The following ATP1A4 variants were observed in gnomAD, a reference collection of about 807,000 sequenced individuals.
The protein encoded by ATP1A4 is sodium/potassium-transporting ATPase subunit alpha-4.
A neutral mutation model predicts 114.3 loss-of-function variants in ATP1A4; 90 were observed. The ratio of observed to expected loss-of-function variants is 0.79; its 90% CI spans 0.66 to 0.94. ATP1A4 has a LOEUF of 0.94. ATP1A4 is among the 40% of genes least tolerant of loss of function. ATP1A4 has a pLI of 0.00. For missense variants in ATP1A4, 1,222 were observed against 1,313.6 expected, an observed-to-expected ratio of 0.93 and a Z score of 1.08; for synonymous variants, 511 against 494.1, an observed-to-expected ratio of 1.03 and a Z score of -0.45.
At chr1:160,162,870 A>G (rs1261250750) in intron 6 of ATP1A4, among the ~76,000 whole-genome samples, 1 of 152,218 alleles carries the variant, frequency 6.6e-6, no homozygotes, top group African/African-American at 2.4e-5. Context: ...TAGGCAATAG[A>G]AGATACTCAG....
rs200603421 is a variant in ATP1A4 at position 160,182,009 on chromosome 1, G to A, written c.2947G>A (p.Ala983Thr). ...FLSYTPGMDV[A>T]LRMYPLKITW... Reference sequence around the variant, plus strand: ...GTCCTACACTCCAGGCATGGACGTGGCCCTGCGAATGTACCCACTCAAGTG... The same window carrying A: ...GTCCTACACTCCAGGCATGGACGTGACCCTGCGAATGTACCCACTCAAGTG... The change falls in exon 20 of 22, where the codon GCC becomes ACC. Residue 983 changes from alanine to threonine, a missense_variant. Ala to Thr is a moderately conservative substitution (Grantham distance 58). Transcript: ENST00000368081. The A allele has an allele frequency of 1.1e-5, 17 of 1,613,918 alleles. No individual in the cohort carries two copies. The highest frequency in any genetic ancestry group is 3.4e-6 in the Non-Finnish European group (4 of 1,179,930).
intron 10 of ATP1A4, among the ~76,000 whole-genome samples, chr1:160,168,436 G>A (rs1653120464): frequency 7.2e-6 from 1 of 138,024 alleles, no homozygotes; most frequent in Non-Finnish European, 1.5e-5. Context: ...AGGCTGGAGT[G>A]CAATGGCGCA....
rs1423076200 is a variant in ATP1A4 at position 160,159,431 on chromosome 1, G to A, written c.683G>A (p.Gly228Glu). 1 of 1,613,500 alleles carries A rather than the reference G, an allele frequency of 6.2e-7. No homozygotes were observed. The highest frequency in any genetic ancestry group is 1.7e-4 in the Middle Eastern group (1 of 6,052). ...CAGGTGGACAACTCATCCTTGACTG[G>A]GGAGTCAGAACCCCAGAGCCGCTCC... Reference protein sequence around the residue: ...GCKVDNSSLTGESEPQSRSPD... With the variant: ...GCKVDNSSLTEESEPQSRSPD... Residue 228 changes from glycine (G) to glutamate (E), a missense_variant, in exon 6 of 22, where the codon GGG becomes GAG. Physicochemically the swap from Gly to Glu is moderately conservative, Grantham distance 98. Coordinates refer to ENST00000368081, the MANE Select transcript of ATP1A4 (RefSeq NM_144699.4).
In ATP1A4 at chr1:160,174,672, G is replaced by A. The variant is rs1453200206; in HGVS notation, c.2236G>A (p.Asp746Asn). ...CATTGCCATGGGCATCTCTGGCTCTGACGTCTCTAAGCAGGCAGCCGACAT... is the reference window on the plus strand; with the variant it reads ...CATTGCCATGGGCATCTCTGGCTCTAACGTCTCTAAGCAGGCAGCCGACAT... The part of the protein sequence containing the change: ...IGIAMGISGS[D>N]VSKQAADMIL... Residue 746 changes from aspartate (D) to asparagine (N), a missense_variant, in exon 15 of 22, where the codon GAC (aspartate) becomes AAC (asparagine). Transcript: ENST00000368081. The A allele has an allele frequency of 3.7e-6, 6 of 1,614,206 alleles. No homozygotes were observed. In the South Asian group the frequency reaches 6.6e-5, roughly 18 times the overall value.
At position 160,178,678 on chromosome 1, in the gene ATP1A4, A is replaced by G. The variant is rs1228261137; in HGVS notation, c.2736+1014A>G. Among the ~76,000 whole-genome samples, 4 of 98,220 alleles carry G rather than the reference A, an allele frequency of 4.1e-5. 1 individual carries two copies. Among genetic ancestry groups the G allele is most frequent in the Admixed American group, 2.7e-4 (3 of 11,290 alleles). The allele number at this position is 98,220 out of a possible 152,430, so 64.4% of individuals were successfully genotyped here. On this transcript the variant is annotated intron_variant, in intron 18 of 21. Transcript: ENST00000368081. ...AACAGAGCGAGACTCCGTCTCAAAG[A>G]AAAAAAAAAACAAAACCCTGAAAAC...
At chr1:160,161,868 A>C (rs1382012813) in intron 6 of ATP1A4, among the ~76,000 whole-genome samples, 1 of 152,158 alleles carries the variant, frequency 6.6e-6, no homozygotes, top group Non-Finnish European at 1.5e-5. Flanking sequence ...GAAAACGGAG[A>C]CCACCACGTG....
At position 160,167,269 on chromosome 1, in the gene ATP1A4, T is replaced by G. The variant is rs770265426; in HGVS notation, c.1357-9T>G. 4 of 1,596,186 alleles carry G rather than the reference T, an allele frequency of 2.5e-6. No homozygotes were observed. In the Admixed American group the frequency reaches 7.2e-5, roughly 29 times the overall value. On this transcript the variant is annotated splice_polypyrimidine_tract_variant and intron_variant, in intron 9 of 21. Coordinates refer to ENST00000368081, the MANE Select transcript of ATP1A4 (RefSeq NM_144699.4). Reference sequence around the variant, plus strand: ...CCTGGGGCTTACTATACAAACCCCATCCTGGCAGAGGGCCACAACAGGTGA... The same window carrying G: ...CCTGGGGCTTACTATACAAACCCCAGCCTGGCAGAGGGCCACAACAGGTGA...
intron 2 of ATP1A4, among the ~76,000 whole-genome samples, chr1:160,154,519 C>A (rs4656885): frequency 0.056 from 8,488 of 152,186 alleles, 264 homozygotes; most frequent in Middle Eastern, 0.18. Context: ...GGGAACATTC[C>A]AAATCCACTC....
intron 4 of ATP1A4, among the ~76,000 whole-genome samples, chr1:160,157,526 T>C (rs1039063781): frequency 3.3e-5 from 5 of 152,224 alleles, no homozygotes; most frequent in South Asian, 2.1e-4. Flanking sequence ...ATTGGGTCAA[T>C]TGGCAAAACT....
At chr1:160,169,156 G>T (rs988530093) in intron 10 of ATP1A4, among the ~76,000 whole-genome samples, 2 of 152,210 alleles carry the variant, frequency 1.3e-5, no homozygotes, top group Non-Finnish European at 2.9e-5. Flanking sequence ...GTTCTGGGAG[G>T]CCCTCAGTTT....
At position 160,153,220 on chromosome 1, in the gene ATP1A4, C is replaced by T; in HGVS notation, c.203C>T (p.Thr68Ile). The change falls in exon 2 of 22, where the codon ACA (threonine) becomes ATA (isoleucine). Residue 68 changes from threonine to isoleucine, a missense_variant. Thr to Ile is a moderately conservative substitution (Grantham distance 89). Transcript: ENST00000368081. Reference sequence around the variant, plus strand: ...AGCACCAAGTACTCCGTGGACCTGACAAAGGTGAGTAAGAAGCTCCCTGAG... The same window carrying T: ...AGCACCAAGTACTCCGTGGACCTGATAAAGGTGAGTAAGAAGCTCCCTGAG... ...ELSTKYSVDL[T>I]KGHSHQRAKE... is the part of the protein sequence containing the mutation. The T allele has an allele frequency of 6.2e-7, 1 of 1,613,578 alleles. No individual in the cohort carries two copies.
intron 14 of ATP1A4, 48 bp from the exon 15 acceptor site, chr1:160,174,531 G>A: frequency 6.3e-7 from 1 of 1,593,086 alleles, no homozygotes; most frequent in South Asian, 1.1e-5. Flanking sequence ...GACTAGTTCT[G>A]GATCTGATGC....
In ATP1A4 at chr1:160,159,136, G is replaced by A. The variant is rs1036630613; in HGVS notation, c.660G>A (p.Lys220=). 1 of 1,613,362 alleles carries A rather than the reference G, an allele frequency of 6.2e-7. No homozygotes were observed. The highest frequency in any genetic ancestry group is 1.7e-5 in the Admixed American group (1 of 59,952). ...DLRLISAQGC[K]VDNSSLTGES... The stretch of plus-strand genomic sequence containing the variant: ...GGCTTATCTCTGCACAAGGATGTAA[G>A]GTGAGGGGATGCCGAAAGCTATGTG... The change falls in exon 5 of 22, where the codon AAG becomes AAA. Residue 220 remains lysine, a splice_region_variant and synonymous_variant. Transcript: ENST00000368081.
chr1:160,162,718 G>A (rs781666693), intron 6 of ATP1A4, among the ~76,000 whole-genome samples: 1 of 152,172 alleles, frequency 6.6e-6, no homozygotes, highest in Non-Finnish European at 1.5e-5. Flanking sequence ...GAAGGGGGTT[G>A]GTGGGTAGGG....
intron 17 of ATP1A4, 169 bp from the exon 18 acceptor site, chr1:160,177,350 T>A: frequency 1.7e-6 from 1 of 589,400 alleles, no homozygotes; most frequent in Non-Finnish European, 2.9e-6. Flanking sequence ...CCCACAGAGA[T>A]GAGAGATAAC....
intron 6 of ATP1A4, among the ~76,000 whole-genome samples, chr1:160,162,439 C>A (rs1297302264): frequency 6.6e-6 from 1 of 152,148 alleles, no homozygotes; most frequent in Non-Finnish European, 1.5e-5. Context: ...GCACAGAAGC[C>A]CAGCTGTTAT....
intron 18 of ATP1A4, among the ~76,000 whole-genome samples, chr1:160,180,567 T>C (rs1403257148): frequency 6.6e-6 from 1 of 152,116 alleles, no homozygotes; most frequent in African/African-American, 2.4e-5. Flanking sequence ...AAAGAACAAA[T>C]GAATGAATGA....
At chr1:160,157,262 G>A (rs982530256) in intron 4 of ATP1A4, among the ~76,000 whole-genome samples, 1 of 152,120 alleles carries the variant, frequency 6.6e-6, no homozygotes, top group Non-Finnish European at 1.5e-5. Context: ...ACAGGGATTT[G>A]GTGTACGAAT....
chr1:160,174,412 C>A, intron 14 of ATP1A4, 151 bp downstream of exon 14: 1 of 1,427,164 alleles, frequency 7.0e-7, no homozygotes, highest in Non-Finnish European at 9.4e-7. Flanking sequence ...CAGTTTGGGG[C>A]TCCCTGAAAG....
Sources: gnomAD v4.1 joint callset for allele counts (sites outside exome capture counted in the v4.1 genomes callset) on GRCh38, gnomAD v4.1.1 for gene constraint, MANE v1.5 for transcripts, NCBI Gene and HGNC (gene_info 2026-07-23, HGNC 2026-07-21) for gene names.